The following DNAH1 variants were observed in gnomAD, a reference collection of about 807,000 sequenced individuals.
The protein encoded by DNAH1 is dynein axonemal heavy chain 1, also known as axonemal beta dynein heavy chain 1.
DNAH1 carries 327 observed loss-of-function variants against 484.3 expected under a neutral mutation model. The ratio of observed to expected loss-of-function variants is 0.68; its 90% CI spans 0.62 to 0.74. The LOEUF is 0.74. DNAH1 is among the 30% of genes least tolerant of loss of function. The probability of loss-of-function intolerance (pLI) is 0.00; values close to 1 mark genes in which losing one functional copy is unlikely to be tolerated. For synonymous variants in DNAH1, 2,192 were observed against 2,191.9 expected, an observed-to-expected ratio of 1.00 and a Z score of 0.00; for missense variants, 5,052 against 5,546.8, an observed-to-expected ratio of 0.91 and a Z score of 2.83.
chr3:52,341,554 T>TC (rs1314377821), intron 8 of DNAH1, among the ~76,000 whole-genome samples: 1 of 134,934 alleles, frequency 7.4e-6, no homozygotes, highest in Non-Finnish European at 1.6e-5. Flanking sequence ...TTTTTTTTTT[T>TC]GAGACAGGGT....
intron 3 of DNAH1, among the ~76,000 whole-genome samples, chr3:52,324,892 G>A (rs1388096040): frequency 6.6e-6 from 1 of 152,128 alleles, no homozygotes; most frequent in African/African-American, 2.4e-5. Flanking sequence ...AGGGCTCTCA[G>A]CAACCAGTAG....
At chr3:52,334,780 G>A (rs941692520) in intron 8 of DNAH1, among the ~76,000 whole-genome samples, 2 of 152,070 alleles carry the variant, frequency 1.3e-5, no homozygotes, top group Non-Finnish European at 2.9e-5. Flanking sequence ...GTGACAGAGT[G>A]AGACTGTCTC....
In DNAH1 at chr3:52,396,676, A is replaced by G; in HGVS notation, c.11489A>G (p.Glu3830Gly). 6.2e-7 allele frequency: 1 copy of G among 1,613,552 alleles called. No individual in the cohort carries two copies. The change falls in exon 72 of 78, where the codon GAG (glutamate) becomes GGG (glycine). Residue 3830 changes from glutamate (E) to glycine (G), a missense_variant. This residue lies in a region of DNAH1 where 853 missense variants were observed against 899.0 expected (regional missense o/e 0.95). Coordinates refer to ENST00000420323, the MANE Select transcript of DNAH1 (RefSeq NM_015512.5). ...SLCLFHGNAL[E>G]RRKFGPLGFN... Reference sequence around the variant, plus strand: ...TGCTTGTTCCATGGGAACGCCCTGGAGCGCCGTAAGTTTGGGCCCCTGGGC... The same window carrying G: ...TGCTTGTTCCATGGGAACGCCCTGGGGCGCCGTAAGTTTGGGCCCCTGGGC...
At chr3:52,382,751 C>T (rs557248501) in intron 50 of DNAH1, among the ~76,000 whole-genome samples, 38 of 152,246 alleles carry the variant, frequency 2.5e-4, no homozygotes, top group Admixed American at 3.9e-4. Context: ...TCAAGGACCA[C>T]AGGGCTTGTC....
chr3:52,345,076 A>T (rs764192344), intron 9 of DNAH1, among the ~76,000 whole-genome samples: 2 of 152,178 alleles, frequency 1.3e-5, no homozygotes, highest in African/African-American at 4.8e-5. Context: ...AGCTTCCTGC[A>T]TGTCATGTAC....
chr3:52,372,999 G>A lies in DNAH1; in HGVS notation c.6931G>A (p.Glu2311Lys), dbSNP rs149217848. The stretch of plus-strand genomic sequence containing the variant: ...GACCTACGGTGCACAGCCACCCATC[G>A]AGCTGTTGCGCCAGTGGATGGACCA... The part of the protein sequence containing the change: ...LETYGAQPPI[E>K]LLRQWMDHGG... Residue 2311 changes from glutamate to lysine, a missense_variant, in exon 44 of 78, where the codon GAG becomes AAG. Around this residue, in one of 4 missense-constraint regions of DNAH1, gnomAD observed 2,929 missense variants for 3,409.4 expected, o/e 0.86. Transcript: ENST00000420323. 37 of 1,613,598 alleles carry A rather than the reference G, an allele frequency of 2.3e-5. No individual in the cohort carries two copies. In the African/African-American group the frequency reaches 4.1e-4, roughly 18 times the overall value.
rs533119821 is a variant in DNAH1 at position 52,346,814 on chromosome 3, G to A, written c.1955+44G>A. On this transcript the variant is annotated intron_variant, in intron 11 of 77. Transcript: ENST00000420323. ...GAGGCACCTGTTGACACCAGGTGAT[G>A]TGTCACCTGCTGGGGATGGAGCAGG... is the stretch of plus-strand genomic sequence containing the variant. The A allele has an allele frequency of 4.5e-6, 7 of 1,558,904 alleles. No homozygotes were observed. The South Asian group carries it at 6.0e-5, about 13-fold the overall frequency.
chr3:52,339,831 T>C (rs1404513929), intron 8 of DNAH1, among the ~76,000 whole-genome samples: 1 of 151,616 alleles, frequency 6.6e-6, no homozygotes, highest in Non-Finnish European at 1.5e-5. Flanking sequence ...TGTGTGTGTG[T>C]ACACACGTGC....
Position 52,322,488 on chromosome 3 carries a change from C to T in DNAH1, c.46C>T (p.Gln16Ter), listed in dbSNP as rs199910432. Reference protein sequence around the residue: ...SKGYSLGRTPQGPECSSAPAV... With the variant: ...SKGYSLGRTP ...AGGCTATAGCCTGGGAAGGACCCCT[C>T]AGGGCCCAGAGTGCAGCAGTGCTCC... The change falls in exon 2 of 78, where the codon CAG becomes TAG. Residue 16 changes from glutamine (Q) to a stop codon, truncating the protein, a stop_gained. Transcript: ENST00000420323. LOFTEE classifies it high-confidence loss of function. 47 of 1,613,430 alleles carry T rather than the reference C, an allele frequency of 2.9e-5. No homozygotes were observed. The African/African-American group carries it at 6.1e-4, about 21-fold the overall frequency.
chr3:52,358,775 C>A lies in DNAH1; in HGVS notation c.4266+38C>A. ...CAGCCCGTGCAGCCTTCCACCCCTGCACCCCTCTGCTCCCTCTCAGTGCCC... is the reference window on the plus strand; with the variant it reads ...CAGCCCGTGCAGCCTTCCACCCCTGAACCCCTCTGCTCCCTCTCAGTGCCC... On this transcript the variant is annotated intron_variant, in intron 25 of 77. Coordinates refer to ENST00000420323, the MANE Select transcript of DNAH1 (RefSeq NM_015512.5). This position sits in a 1 kb window ranked among gnomAD's most constrained non-coding sequence, Gnocchi z 4.2. 6.2e-7 allele frequency: 1 copy of A among 1,608,304 alleles called. No individual in the cohort carries two copies. Among genetic ancestry groups the A allele is most frequent in the Non-Finnish European group, 8.5e-7 (1 of 1,178,260 alleles).
At chr3:52,339,792 CTG>C (rs1223503205) in intron 8 of DNAH1, among the ~76,000 whole-genome samples, 1 of 149,932 alleles carries the variant, frequency 6.7e-6, no homozygotes, top group Non-Finnish European at 1.5e-5. Flanking sequence ...AGAATGTGCT[CTG>C]TGTGTGTGTC....
intron 75 of DNAH1, 50 bp downstream of exon 75, chr3:52,398,212 A>T (rs553026889): frequency 6.4e-7 from 1 of 1,557,660 alleles, no homozygotes; most frequent in Admixed American, 1.8e-5. Flanking sequence ...ACTGGACTGT[A>T]GAGAAATGAC....
rs2153225318 is a variant in DNAH1 at position 52,385,439 on chromosome 3, C to G, written c.8617C>G (p.Gln2873Glu). 3 of 1,551,746 alleles carry G rather than the reference C, an allele frequency of 1.9e-6. No homozygotes were observed. Among genetic ancestry groups the G allele is most frequent in the Non-Finnish European group, 1.7e-6 (2 of 1,147,006 alleles). The change falls in exon 54 of 78, where the codon CAG (glutamine) becomes GAG (glutamate). Residue 2873 changes from glutamine (Q) to glutamate (E), a missense_variant. Gln to Glu is a conservative substitution (Grantham distance 29, BLOSUM62 2). Transcript: ENST00000420323. ...AAKDTMLTME[Q>E]IKVDTAIAEE... ...CAAGGACACCATGCTCACCATGGAG[C>G]AGATCAAGGTTGGGGTGCTCCCGAG...
In DNAH1 at chr3:52,326,266, C is replaced by T. The variant is rs775549481; in HGVS notation, c.533C>T (p.Pro178Leu). Residue 178 changes from proline to leucine, a missense_variant, in exon 4 of 78, where the codon CCT becomes CTT. Physicochemically the swap from Pro to Leu is moderately conservative, Grantham distance 98. Coordinates refer to ENST00000420323, the MANE Select transcript of DNAH1 (RefSeq NM_015512.5). ...GCCTACGAGCCCAAGATGCAGGTGCCTTTCCAGGTGCTGCCAGGCCAGCAT... is the reference window on the plus strand; with the variant it reads ...GCCTACGAGCCCAAGATGCAGGTGCTTTTCCAGGTGCTGCCAGGCCAGCAT... ...LQAYEPKMQV[P>L]FQVLPGQHPR... 3.7e-6 allele frequency: 6 copies of T among 1,612,256 alleles called. No homozygotes were observed. The highest frequency in any genetic ancestry group is 5.1e-6 in the Non-Finnish European group (6 of 1,179,794).
Position 52,363,259 on chromosome 3 carries a change from G to A in DNAH1, c.5244+115G>A, listed in dbSNP as rs982533550. 3 of 1,371,796 alleles carry A rather than the reference G, an allele frequency of 2.2e-6. No homozygotes were observed. The African/African-American group carries it at 4.3e-5, about 20-fold the overall frequency. 85.0% of individuals were successfully genotyped at this position (1,371,796 alleles called of 1,614,324 possible). ...CCCGGTGCTTTACAGGCATTACCTT[G>A]TCGGCTTCTCCCAGCAACCCTTGGA... On this transcript the variant is annotated intron_variant, in intron 32 of 77. Transcript: ENST00000420323.
intron 41 of DNAH1, among the ~76,000 whole-genome samples, chr3:52,371,311 G>C (rs997944338): frequency 6.6e-6 from 1 of 152,248 alleles, no homozygotes; most frequent in South Asian, 2.1e-4. Context: ...GTGGAAAGGC[G>C]TCTGCAGAGA....
At chr3:52,328,160 G>T in intron 6 of DNAH1, 146 bp downstream of exon 6, 1 of 1,096,312 alleles carries the variant, frequency 9.1e-7, no homozygotes, top group Non-Finnish European at 1.3e-6. Flanking sequence ...CCTAGAAGCT[G>T]GCCTCACAGA....
chr3:52,377,164 G>T (rs1026112655), intron 46 of DNAH1, among the ~76,000 whole-genome samples: 4 of 152,174 alleles, frequency 2.6e-5, no homozygotes, highest in East Asian at 1.9e-4. Flanking sequence ...TGTCCACAGG[G>T]TATCTCAGGC....
chr3:52,373,581 G>T, intron 44 of DNAH1: 1 of 1,476,210 alleles, frequency 6.8e-7, no homozygotes. Flanking sequence ...AGTGAAGAAA[G>T]ACAAACAGCA....
Sources: allele counts gnomAD v4.1 joint callset (sites outside exome capture counted in the v4.1 genomes callset), GRCh38; gene constraint gnomAD v4.1.1; regional missense constraint gnomAD v4.1.1; non-coding constraint Gnocchi (gnomAD v3.1); transcripts MANE v1.5; gene names NCBI Gene and HGNC (gene_info 2026-07-23, HGNC 2026-07-21).